Variants in SIPA1L3 observed in about 807,000 individuals in gnomAD.
SIPA1L3 encodes the protein signal-induced proliferation-associated 1-like protein 3.
Under a neutral mutation model 150.1 loss-of-function variants are expected in SIPA1L3, and 59 were observed. That is an observed-to-expected ratio of 0.39 (90% CI 0.32 to 0.49). SIPA1L3 has a LOEUF of 0.49. SIPA1L3 is among the 20% of genes least tolerant of loss of function. The probability of loss-of-function intolerance (pLI) is 0.86; values close to 1 mark genes in which losing one functional copy is unlikely to be tolerated. For missense variants in SIPA1L3, 2,211 were observed against 2,489.5 expected (o/e 0.89, Z 2.38); for synonymous variants, 1,070 against 1,077.6 (o/e 0.99, Z 0.14).
intron 1 of SIPA1L3, among the ~76,000 whole-genome samples, chr19:37,945,892 C>T (rs536726011): frequency 3.7e-4 from 56 of 152,196 alleles, no homozygotes; most frequent in Admixed American, 9.2e-4. Context: ...TGGTGGCTCA[C>T]GCCTGTAATA....
chr19:38,135,775 G>A (rs2145927969), intron 10 of SIPA1L3, among the ~76,000 whole-genome samples: 1 of 152,224 alleles, frequency 6.6e-6, no homozygotes, highest in Middle Eastern at 3.4e-3. Flanking sequence ...GGTGGTTTTT[G>A]TTGTTCTTCA....
At chr19:38,110,096 C>T (rs1263928443) in intron 7 of SIPA1L3, 131 bp from the exon 8 acceptor site, 2 of 843,780 alleles carry the variant, frequency 2.4e-6, no homozygotes, top group Non-Finnish European at 3.8e-6. Flanking sequence ...CTGACTCGGG[C>T]ATTCCTTGGG....
chr19:37,999,704 T>C (rs1230477654), intron 1 of SIPA1L3, among the ~76,000 whole-genome samples: 1 of 152,224 alleles, frequency 6.6e-6, no homozygotes, highest in Non-Finnish European at 1.5e-5. Flanking sequence ...CGTGTGCGTG[T>C]GGTCAGCTGT....
chr19:38,012,131 G>T (rs989237541), intron 1 of SIPA1L3, among the ~76,000 whole-genome samples: 1 of 150,866 alleles, frequency 6.6e-6, no homozygotes, highest in Non-Finnish European at 1.5e-5. Flanking sequence ...CTGTCACCCA[G>T]GCTGGAGTGC....
At chr19:38,181,618 C>T (rs1972555896) in intron 15 of SIPA1L3, among the ~76,000 whole-genome samples, 1 of 151,732 alleles carries the variant, frequency 6.6e-6, no homozygotes, top group Non-Finnish European at 1.5e-5. Flanking sequence ...CTGAGGTAGG[C>T]GGATCATCTG....
At chr19:38,000,981 C>CATATATA (rs1967790142) in intron 1 of SIPA1L3, among the ~76,000 whole-genome samples, 1 of 121,840 alleles carries the variant, frequency 8.2e-6, no homozygotes, top group African/African-American at 3.3e-5. Context: ...ACATATATAA[C>CATATATA]ACACATATAT....
chr19:37,986,722 C>T (rs1967360354), intron 1 of SIPA1L3, among the ~76,000 whole-genome samples: 1 of 152,172 alleles, frequency 6.6e-6, no homozygotes, highest in African/African-American at 2.4e-5. Flanking sequence ...CCGTGCCTGC[C>T]TTCCCCTTTC....
chr19:38,178,294 G>A (rs996019722), intron 15 of SIPA1L3, among the ~76,000 whole-genome samples: 8 of 151,506 alleles, frequency 5.3e-5, no homozygotes, highest in African/African-American at 1.7e-4. Flanking sequence ...TTTGAGCCCC[G>A]GAGTTCAAGA....
Position 37,953,410 on chromosome 19 carries a change from T to C in SIPA1L3, c.-379+46052T>C, listed in dbSNP as rs185765813. Among the ~76,000 whole-genome samples the C allele has an allele frequency of 1.5e-3, 228 of 152,300 alleles. 1 individual carries two copies. The highest frequency in any genetic ancestry group is 2.7e-3 in the Non-Finnish European group (187 of 68,014). ...CCAGGTAACTTTGGAAAGAGCTGGATAGAGTTCATGACCAATTCGGAACAA... is the reference window on the plus strand; with the variant it reads ...CCAGGTAACTTTGGAAAGAGCTGGACAGAGTTCATGACCAATTCGGAACAA... On this transcript the variant is annotated intron_variant, in intron 1 of 21. Coordinates refer to ENST00000222345, the MANE Select transcript of SIPA1L3 (RefSeq NM_015073.3).
intron 2 of SIPA1L3, among the ~76,000 whole-genome samples, chr19:38,069,384 G>A (rs533094418): frequency 2.6e-5 from 4 of 152,240 alleles, no homozygotes; most frequent in African/African-American, 7.2e-5. Context: ...TTGACAGTTG[G>A]TCCTCCCCAA....
At chr19:38,142,502 C>A in intron 11 of SIPA1L3, 71 bp from the exon 12 acceptor site, 1 of 1,492,652 alleles carries the variant, frequency 6.7e-7, no homozygotes, top group Non-Finnish European at 9.1e-7. Context: ...TCTGTCTGTC[C>A]GTCCATCCTC....
intron 15 of SIPA1L3, among the ~76,000 whole-genome samples, chr19:38,182,108 T>A (rs1972566442): frequency 7.3e-6 from 1 of 137,852 alleles, no homozygotes; most frequent in Admixed American, 7.3e-5. Flanking sequence ...GCCACTGCAT[T>A]CCAGCCTGGG....
intron 1 of SIPA1L3, among the ~76,000 whole-genome samples, chr19:37,941,087 T>TACACACACATAC (rs1555767551): frequency 4.7e-5 from 6 of 128,570 alleles, no homozygotes; most frequent in African/African-American, 2.1e-4. Flanking sequence ...CACACACACA[T>TACACACACATAC]ACACACACAC....
intron 8 of SIPA1L3, among the ~76,000 whole-genome samples, chr19:38,116,429 AC>A (rs1970881013): frequency 6.7e-6 from 1 of 149,222 alleles, no homozygotes; most frequent in African/African-American, 2.5e-5. Context: ...AATCCCTTGA[AC>A]CCAAGATGCT....
chr19:37,989,205 A>G lies in SIPA1L3; in HGVS notation c.-378-39884A>G, dbSNP rs926390258. Among the ~76,000 whole-genome samples the G allele has an allele frequency of 6.2e-4, 95 of 152,014 alleles. 1 individual carries two copies. The highest frequency in any genetic ancestry group is 2.2e-3 in the African/African-American group (91 of 41,414). On this transcript the variant is annotated intron_variant, in intron 1 of 21. Transcript: ENST00000222345. ...CGGAACCTTCCTAACTCTGTGGGGC[A>G]GCTCCTGTTTTTTGTTTGTTTGTTT...
chr19:38,123,982 C>T (rs1248167429), intron 9 of SIPA1L3, among the ~76,000 whole-genome samples: 1 of 144,784 alleles, frequency 6.9e-6, no homozygotes, highest in Non-Finnish European at 1.5e-5. Context: ...CCAACCCCCC[C>T]CCACCTCCCT....
At chr19:38,142,334 C>T (rs536451678) in intron 11 of SIPA1L3, among the ~76,000 whole-genome samples, 7 of 152,334 alleles carry the variant, frequency 4.6e-5, no homozygotes, top group Non-Finnish European at 7.4e-5. Context: ...TGCGGGCAGC[C>T]GCAGTGGATC....
intron 2 of SIPA1L3, among the ~76,000 whole-genome samples, chr19:38,076,119 G>A (rs564339870): frequency 1.1e-3 from 166 of 151,850 alleles, no homozygotes; most frequent in African/African-American, 3.9e-3. Flanking sequence ...CAGCCTAGGC[G>A]ACAGAGCAAG....
intron 2 of SIPA1L3, among the ~76,000 whole-genome samples, chr19:38,063,313 A>T (rs1446431372): frequency 6.6e-6 from 1 of 151,628 alleles, no homozygotes; most frequent in Non-Finnish European, 1.5e-5. Context: ...CACGGCAGGG[A>T]GCCTTCCTGG....
Sources: allele counts gnomAD v4.1 joint callset (sites outside exome capture counted in the v4.1 genomes callset), GRCh38; gene constraint gnomAD v4.1.1; transcripts MANE v1.5; gene names NCBI Gene and HGNC (gene_info 2026-07-23, HGNC 2026-07-21).